TCF20: variants seen among roughly 807,000 people sequenced by gnomAD.
TCF20 encodes the protein transcription factor 20.
Under a neutral mutation model 148.6 loss-of-function variants are expected in TCF20, and 3 were observed. The ratio of observed to expected loss-of-function variants is 0.02; its 90% CI spans 0.01 to 0.05. The LOEUF (loss-of-function observed/expected upper bound fraction) is 0.05. Ranked by LOEUF, TCF20 falls within the 10% of genes least tolerant of loss-of-function variation. The pLI is 1.00. For synonymous variants in TCF20, 1,049 were observed against 909.5 expected, an observed-to-expected ratio of 1.15 and a Z score of -2.76; for missense variants, 2,350 against 2,429.3, an observed-to-expected ratio of 0.97 and a Z score of 0.69.
At chr22:42,171,146 T>A (rs1422644761) in intron 3 of TCF20, among the ~76,000 whole-genome samples, 2 of 152,212 alleles carry the variant, frequency 1.3e-5, no homozygotes, top group African/African-American at 4.8e-5. Context: ...GGGTAGTGCA[T>A]GGATCAGGGC....
chr22:42,321,156 T>C (rs1927726049), intron 1 of TCF20, among the ~76,000 whole-genome samples: 1 of 152,132 alleles, frequency 6.6e-6, no homozygotes, highest in Non-Finnish European at 1.5e-5. Flanking sequence ...TGGCCAGAGG[T>C]AGACCTGGGG....
At chr22:42,270,806 G>T (rs1926584459), upstream of TCF20, among the ~76,000 whole-genome samples, 1 of 146,986 alleles carries the variant, frequency 6.8e-6, no homozygotes, top group Non-Finnish European at 1.5e-5. Context: ...GTGCGGCGGC[G>T]TCGAGGCTGG....
chr22:42,236,204 A>G (rs1923870617), intron 1 of TCF20, among the ~76,000 whole-genome samples: 1 of 152,212 alleles, frequency 6.6e-6, no homozygotes, highest in East Asian at 1.9e-4. Context: ...AAAAACAAAA[A>G]AACAAGTAAA....
At chr22:42,169,999 G>C in intron 3 of TCF20, 103 bp from the exon 4 acceptor site, 1 of 1,129,596 alleles carries the variant, frequency 8.9e-7, no homozygotes, top group South Asian at 1.3e-5. Flanking sequence ...GTAGCAGGTC[G>C]CTACACTTAC....
chr22:42,303,860 G>T (rs1437294166), intron 1 of TCF20, among the ~76,000 whole-genome samples: 1 of 151,722 alleles, frequency 6.6e-6, no homozygotes, highest in Middle Eastern at 3.2e-3. Flanking sequence ...AGAGGGGAAT[G>T]TGGAGAGGAG....
intron 1 of TCF20, among the ~76,000 whole-genome samples, chr22:42,239,038 A>G (rs1223722137): frequency 2.0e-5 from 3 of 152,090 alleles, no homozygotes; most frequent in Non-Finnish European, 4.4e-5. Flanking sequence ...GAATGGCGTG[A>G]ACGCGGCAGG....
At chr22:42,341,751 G>A (rs1928172517) in intron 1 of TCF20, among the ~76,000 whole-genome samples, 1 of 129,808 alleles carries the variant, frequency 7.7e-6, no homozygotes. Context: ...CCGGGCCCCA[G>A]CTCTCCCAGT....
At chr22:42,301,715 G>T (rs539799470) in intron 1 of TCF20, among the ~76,000 whole-genome samples, 1 of 152,238 alleles carries the variant, frequency 6.6e-6, no homozygotes, top group Non-Finnish European at 1.5e-5. Context: ...AGGCTGGGGA[G>T]ACCTGGCTGC....
At chr22:42,227,402 C>T (rs925846623) in intron 1 of TCF20, among the ~76,000 whole-genome samples, 5 of 152,220 alleles carry the variant, frequency 3.3e-5, no homozygotes, top group African/African-American at 1.2e-4. Context: ...GCTCCATTAT[C>T]TTTTCCTGAC....
chr22:42,186,743 G>C (rs529360502), intron 2 of TCF20, among the ~76,000 whole-genome samples: 1 of 152,206 alleles, frequency 6.6e-6, no homozygotes, highest in Admixed American at 6.5e-5. Context: ...TACTTTCATT[G>C]TATCTCCCCT....
chr22:42,265,098 G>A (rs2146987595), intron 1 of TCF20, among the ~76,000 whole-genome samples: 1 of 152,300 alleles, frequency 6.6e-6, no homozygotes, highest in Admixed American at 6.5e-5. Context: ...TCTTCCTGCT[G>A]GGTCACGCAT....
chr22:42,255,526 A>C (rs565438644), intron 1 of TCF20, among the ~76,000 whole-genome samples: 4,193 of 146,972 alleles, frequency 0.029, 84 homozygotes, highest in Non-Finnish European at 0.044. Context: ...AACAACAACA[A>C]CAAAACCACA....
At chr22:42,177,223 T>A (rs1423862406) in intron 3 of TCF20, among the ~76,000 whole-genome samples, 1 of 152,114 alleles carries the variant, frequency 6.6e-6, no homozygotes. Context: ...GAAACCAGCC[T>A]GGCCAACATG....
intron 2 of TCF20, among the ~76,000 whole-genome samples, chr22:42,181,194 CT>C (rs909516479): frequency 6.6e-6 from 1 of 152,102 alleles, no homozygotes; most frequent in Non-Finnish European, 1.5e-5. Context: ...CTGCCACTTT[CT>C]TTTTTTGAGA....
At chr22:42,185,269 T>C (rs1217341717) in intron 2 of TCF20, among the ~76,000 whole-genome samples, 1 of 152,192 alleles carries the variant, frequency 6.6e-6, no homozygotes, top group East Asian at 1.9e-4. Flanking sequence ...GGCACACACT[T>C]CTGCTCATGC....
chr22:42,239,841 T>C (rs1456191345), intron 1 of TCF20, among the ~76,000 whole-genome samples: 4 of 152,130 alleles, frequency 2.6e-5, no homozygotes, highest in Admixed American at 6.5e-5. Context: ...ATTGGGAGAA[T>C]TACCAAAATG....
intron 1 of TCF20, among the ~76,000 whole-genome samples, chr22:42,295,409 T>A (rs948321294): frequency 2.7e-5 from 4 of 150,910 alleles, no homozygotes; most frequent in Non-Finnish European, 4.4e-5. Context: ...GCTGTCCCCC[T>A]CCCTGAGATG....
chr22:42,342,449 C>T (rs1342926352), intron 1 of TCF20, among the ~76,000 whole-genome samples: 1 of 152,186 alleles, frequency 6.6e-6, no homozygotes, highest in Non-Finnish European at 1.5e-5. Flanking sequence ...AAGCCCAGGG[C>T]TGAGAGAGGC....
At position 42,168,593 on chromosome 22, in the gene TCF20, G is replaced by C. The variant is rs894053293; in HGVS notation, c.*44+16C>G. The C allele has an allele frequency of 1.2e-5, 19 of 1,549,330 alleles. No homozygotes were observed. The highest frequency in any genetic ancestry group is 5.5e-5 in the African/African-American group (4 of 73,166). ...GAGCCGGGCAGGATGCAGGGAGCCC[G>C]GTGGCCCCGACTCACCTGTGCTTGC... On this transcript the variant is annotated intron_variant, in intron 5 of 5. Transcript: ENST00000677622.
Sources: gnomAD v4.1 joint callset for allele counts (sites outside exome capture counted in the v4.1 genomes callset) on GRCh38, gnomAD v4.1.1 for gene constraint, MANE v1.5 for transcripts, NCBI Gene and HGNC (gene_info 2026-07-23, HGNC 2026-07-21) for gene names.